AGAP1: variants seen among roughly 807,000 people sequenced by gnomAD.
AGAP1 encodes the protein ArfGAP with GTPase domain, ankyrin repeat and PH domain 1.
AGAP1 carries 29 observed loss-of-function variants against 105.3 expected under a neutral mutation model. That is an observed-to-expected ratio of 0.28 (90% CI 0.21 to 0.38). AGAP1 has a LOEUF of 0.38. Among genes scored for constraint, AGAP1 ranks in the 10% least tolerant of loss-of-function variants. AGAP1 has a pLI of 1.00. For missense variants in AGAP1, 998 were observed against 1,165.1 expected, an observed-to-expected ratio of 0.86 and a Z score of 2.09; for synonymous variants, 509 against 485.9, an observed-to-expected ratio of 1.05 and a Z score of -0.63.
intron 9 of AGAP1, among the ~76,000 whole-genome samples, chr2:235,812,939 A>G (rs1401502518): frequency 6.6e-6 from 1 of 152,228 alleles, no homozygotes; most frequent in African/African-American, 2.4e-5. Flanking sequence ...GTGCCCTGCA[A>G]GCTAATTGAC....
At position 236,014,762 on chromosome 2, in the gene AGAP1, T is replaced by C. The variant is rs189472986; in HGVS notation, c.1646-21799T>C. On this transcript the variant is annotated intron_variant, in intron 13 of 17. Transcript: ENST00000304032. This position sits in a 1 kb window ranked among gnomAD's most constrained non-coding sequence, Gnocchi z 6.3. The stretch of plus-strand genomic sequence containing the variant: ...CATTTGTTTTCTTTTCCTTTTTGTT[T>C]TCTCTCTTTTTCCCCTCTCCCCTTT... The C allele has an allele frequency of 4.9e-6, 2 of 411,280 alleles. No homozygotes were observed. Among genetic ancestry groups the C allele is most frequent in the African/African-American group, 4.3e-5 (2 of 46,740 alleles). 25.5% of individuals were successfully genotyped at this position (411,280 alleles called of 1,614,324 possible). A position where few individuals can be genotyped will look rare whatever the true frequency, so the allele number is the denominator to read the frequency against.
At chr2:235,811,729 C>T (rs1456210039) in intron 9 of AGAP1, among the ~76,000 whole-genome samples, 3 of 152,168 alleles carry the variant, frequency 2.0e-5, no homozygotes, top group South Asian at 4.1e-4. Context: ...TCAGAGGGGC[C>T]GCCCCCGGCC....
At position 235,692,015 on chromosome 2, in the gene AGAP1, A is replaced by G. The variant is rs1949756323; in HGVS notation, c.164-17164A>G. On this transcript the variant is annotated intron_variant, in intron 1 of 17. Coordinates refer to ENST00000304032, the MANE Select transcript of AGAP1 (RefSeq NM_001037131.3). This position sits in a 1 kb window ranked among gnomAD's most constrained non-coding sequence, Gnocchi z 5.8. ...TGGTTATCTAGTTACTAGTGGTAAG[A>G]CAGAGCCAGTTAACAAAGACTATAA... is the stretch of plus-strand genomic sequence containing the variant. 6.6e-6 allele frequency among the ~76,000 whole-genome samples: 1 copy of G among 152,220 alleles called. No homozygotes were observed. The highest frequency in any genetic ancestry group is 2.4e-5 in the African/African-American group (1 of 41,460).
chr2:235,623,340 C>T lies in AGAP1; in HGVS notation c.164-85839C>T, dbSNP rs957298697. On this transcript the variant is annotated intron_variant, in intron 1 of 17. Transcript: ENST00000304032. The surrounding 1 kb of genome is among the most constrained non-coding windows in gnomAD (Gnocchi z 4.5). ...CTACAAATCAAGATTTGCTTTGCCT[C>T]GTTGTGTAAATATCGGCAAACCATG... Among the ~76,000 whole-genome samples the T allele has an allele frequency of 6.6e-6, 1 of 152,122 alleles. No individual in the cohort carries two copies. The highest frequency in any genetic ancestry group is 2.4e-5 in the African/African-American group (1 of 41,400).
chr2:235,695,876 T>C (rs1949973769), intron 1 of AGAP1, among the ~76,000 whole-genome samples: 1 of 152,148 alleles, frequency 6.6e-6, no homozygotes, highest in Admixed American at 6.5e-5. Flanking sequence ...TTGCAGGAGA[T>C]ACTGAATAAC....
chr2:235,803,078 GATGATGGTT>G (rs1957648353), intron 8 of AGAP1, among the ~76,000 whole-genome samples: 1 of 145,816 alleles, frequency 6.9e-6, no homozygotes, highest in African/African-American at 2.5e-5. Flanking sequence ...TTGTGATGGT[GATGATGGTT>G]GTGGTGATGG....
chr2:235,744,794 T>C lies in AGAP1; in HGVS notation c.493T>C (p.Tyr165His). The C allele has an allele frequency of 6.2e-7, 1 of 1,614,054 alleles. No homozygotes were observed. Among genetic ancestry groups the C allele is most frequent in the East Asian group, 2.2e-5 (1 of 44,828 alleles). ...CCACTACTACAGTCGAATGGCCAAC[T>C]ATCGGAACACGAGCGAGATTCCTCT... ...VYHYYSRMAN[Y>H]RNTSEIPLVL... Residue 165 changes from tyrosine to histidine, a missense_variant, in exon 5 of 18, where the codon TAT (tyrosine) becomes CAT (histidine). By Grantham distance (83) the Tyr-to-His change is moderately conservative (BLOSUM62 2). This residue lies in a region of AGAP1 where 735 missense variants were observed against 833.4 expected (regional missense o/e 0.88). Coordinates refer to ENST00000304032, the MANE Select transcript of AGAP1 (RefSeq NM_001037131.3). The surrounding 1 kb of genome is among the most constrained non-coding windows in gnomAD (Gnocchi z 5.2).
rs1203430763 is a variant in AGAP1 at position 235,882,626 on chromosome 2, G to A, written c.1051-719G>A. On this transcript the variant is annotated intron_variant, in intron 9 of 17. Coordinates refer to ENST00000304032, the MANE Select transcript of AGAP1 (RefSeq NM_001037131.3). The surrounding 1 kb of genome is among the most constrained non-coding windows in gnomAD (Gnocchi z 4.6). ...TTATAGGTGCCCACCACTGCGTCCA[G>A]CTAATTTTTGTATTTTTAGTAGAGA... 23 of 380,364 alleles carry A rather than the reference G, an allele frequency of 6.0e-5. No homozygotes were observed. Among genetic ancestry groups the A allele is most frequent in the Non-Finnish European group, 1.0e-4 (21 of 202,082 alleles). The allele number at this position is 380,364 out of a possible 1,614,324, so 23.6% of individuals were successfully genotyped here. A position where few individuals can be genotyped will look rare whatever the true frequency, so the allele number is the denominator to read the frequency against.
Position 236,104,527 on chromosome 2 carries a change from C to A in AGAP1, c.2115-15665C>A, listed in dbSNP as rs372070095. ...GGGCACAGGGCTGTGAGGGTCAGGA[C>A]CACCATCAGAATCCCTTACAAAGCC... On this transcript the variant is annotated intron_variant, in intron 16 of 17. Coordinates refer to ENST00000304032, the MANE Select transcript of AGAP1 (RefSeq NM_001037131.3). This position sits in a 1 kb window ranked among gnomAD's most constrained non-coding sequence, Gnocchi z 4.7. 8.5e-5 allele frequency among the ~76,000 whole-genome samples: 13 copies of A among 152,348 alleles called. No individual in the cohort carries two copies. In the East Asian group the frequency reaches 2.5e-3, roughly 29 times the overall value.
rs1055605602 is a variant in AGAP1, at chr2:235,964,829, G to A, written c.1484-3633G>A. Among the ~76,000 whole-genome samples, 2 of 152,158 alleles carry A rather than the reference G, an allele frequency of 1.3e-5. No homozygotes were observed. Among genetic ancestry groups the A allele is most frequent in the African/African-American group, 4.8e-5 (2 of 41,434 alleles). On this transcript the variant is annotated intron_variant, in intron 12 of 17. Coordinates refer to ENST00000304032, the MANE Select transcript of AGAP1 (RefSeq NM_001037131.3). The surrounding 1 kb of genome is among the most constrained non-coding windows in gnomAD (Gnocchi z 4.6). ...GGGAGGAGAAGGACCTCGTGGAGCT[G>A]GCCGCACAGTCTAGGCTTGGGGGTA...
In AGAP1 at chr2:235,879,141, G is replaced by T. The variant is rs1403631075; in HGVS notation, c.1051-4204G>T. 1.3e-5 allele frequency among the ~76,000 whole-genome samples: 2 copies of T among 152,220 alleles called. No homozygotes were observed. The highest frequency in any genetic ancestry group is 2.9e-5 in the Non-Finnish European group (2 of 68,040). On this transcript the variant is annotated intron_variant, in intron 9 of 17. Coordinates refer to ENST00000304032, the MANE Select transcript of AGAP1 (RefSeq NM_001037131.3). This position sits in a 1 kb window ranked among gnomAD's most constrained non-coding sequence, Gnocchi z 5.0. ...CGTTAGCTAACAAGACACTTCCCCT[G>T]TGTAACTCAGTCCTGGCTTTCAGGG...
chr2:235,713,192 C>A (rs28641563), intron 2 of AGAP1, among the ~76,000 whole-genome samples: 6,195 of 152,294 alleles, frequency 0.041, 412 homozygotes, highest in African/African-American at 0.14. Flanking sequence ...AGAAACTGAT[C>A]TTAATTAAAA....
Position 235,608,052 on chromosome 2 carries a change from A to T in AGAP1, c.164-101127A>T, listed in dbSNP as rs1389765756. Among the ~76,000 whole-genome samples the T allele has an allele frequency of 6.6e-6, 1 of 152,186 alleles. No homozygotes were observed. The highest frequency in any genetic ancestry group is 2.4e-5 in the African/African-American group (1 of 41,444). The stretch of plus-strand genomic sequence containing the variant: ...CTGAAGAGATTACCCCTGACTTCAT[A>T]GTCTGCCTGTCTCAGAGCGTGGGCG... On this transcript the variant is annotated intron_variant, in intron 1 of 17. Coordinates refer to ENST00000304032, the MANE Select transcript of AGAP1 (RefSeq NM_001037131.3). The surrounding 1 kb of genome is among the most constrained non-coding windows in gnomAD (Gnocchi z 5.4).
At chr2:235,696,122 T>A (rs1949986372) in intron 1 of AGAP1, among the ~76,000 whole-genome samples, 1 of 152,188 alleles carries the variant, frequency 6.6e-6, no homozygotes, top group Admixed American at 6.5e-5. Context: ...CTCAGCTCAC[T>A]GCAACCTCCG....
intron 11 of AGAP1, among the ~76,000 whole-genome samples, chr2:235,928,923 G>A (rs1206227741): frequency 1.3e-5 from 2 of 152,212 alleles, no homozygotes; most frequent in African/African-American, 2.4e-5. Flanking sequence ...TGTGAGGCCT[G>A]GTGCAAGAGC....
intron 13 of AGAP1, among the ~76,000 whole-genome samples, chr2:236,034,520 C>T (rs572308121): frequency 2.8e-4 from 42 of 152,192 alleles, no homozygotes; most frequent in African/African-American, 9.6e-4. Flanking sequence ...AATTCCTGAG[C>T]AACCAGACCC....
At chr2:235,643,431 C>CAAAAAAAAAAAA (rs56146940) in intron 1 of AGAP1, among the ~76,000 whole-genome samples, 9 of 61,418 alleles carry the variant, frequency 1.5e-4, no homozygotes, top group African/African-American at 5.5e-4. Flanking sequence ...GACTGGGTCT[C>CAAAAAAAAAAAA]AAAAAAAAAA....
rs182699099 is a variant in AGAP1, at chr2:235,741,491, C to T, written c.396+443C>T. On this transcript the variant is annotated intron_variant, in intron 4 of 17. Transcript: ENST00000304032. This position sits in a 1 kb window ranked among gnomAD's most constrained non-coding sequence, Gnocchi z 4.9. ...GTCTCTGGTAACTACAGGCATTGGC[C>T]CCTCTGTGCCGCCCTGGCCTTGGCC... Among the ~76,000 whole-genome samples, 974 of 152,304 alleles carry T rather than the reference C, an allele frequency of 6.4e-3. 17 individuals are homozygous for T. The highest frequency in any genetic ancestry group is 0.022 in the African/African-American group (925 of 41,576).
intron 16 of AGAP1, among the ~76,000 whole-genome samples, chr2:236,115,914 C>T (rs888563064): frequency 6.7e-6 from 1 of 149,734 alleles, no homozygotes; most frequent in Non-Finnish European, 1.5e-5. Flanking sequence ...AAGCGATTCT[C>T]CTGCCTCAGC....
Sources: allele counts gnomAD v4.1 joint callset (sites outside exome capture counted in the v4.1 genomes callset), GRCh38; gene constraint gnomAD v4.1.1; regional missense constraint gnomAD v4.1.1; non-coding constraint Gnocchi (gnomAD v3.1); transcripts MANE v1.5; gene names NCBI Gene and HGNC (gene_info 2026-07-23, HGNC 2026-07-21).